Variants in TBC1D1 observed in about 807,000 individuals in gnomAD.
TBC1D1 encodes the protein TBC1 domain family member 1, also known as TBC1 (tre-2/USP6, BUB2, cdc16) domain family, member 1.
In TBC1D1, 89 loss-of-function variants were observed where a neutral mutation model predicts 125.6. That is an observed-to-expected ratio of 0.71 (90% CI 0.60 to 0.85). The LOEUF is 0.85. Among genes scored for constraint, TBC1D1 ranks in the 40% least tolerant of loss-of-function variants. TBC1D1 has a pLI of 0.00. For synonymous variants in TBC1D1, 565 were observed against 564.1 expected (o/e 1.00, Z -0.02); for missense variants, 1,377 against 1,469.2 (o/e 0.94, Z 1.03).
At chr4:37,947,908 AG>A (rs1727044968) in intron 2 of TBC1D1, among the ~76,000 whole-genome samples, 1 of 152,192 alleles carries the variant, frequency 6.6e-6, no homozygotes, top group Non-Finnish European at 1.5e-5. Flanking sequence ...GTTAAAACAA[AG>A]GTAGTACCCC....
At chr4:38,093,973 A>G (rs1335413186) in intron 13 of TBC1D1, among the ~76,000 whole-genome samples, 1 of 152,246 alleles carries the variant, frequency 6.6e-6, no homozygotes, top group Non-Finnish European at 1.5e-5. Flanking sequence ...ATGCTTTACT[A>G]AGATTAAAAT....
At chr4:38,068,483 TTCTTC>T (rs1226769992) in intron 12 of TBC1D1, among the ~76,000 whole-genome samples, 1 of 152,070 alleles carries the variant, frequency 6.6e-6, no homozygotes, top group East Asian at 1.9e-4. Flanking sequence ...ATGTCACCAT[TTCTTC>T]TCTTTACCCC....
intron 2 of TBC1D1, among the ~76,000 whole-genome samples, chr4:37,983,870 GT>G (rs1169273554): frequency 6.6e-6 from 1 of 152,198 alleles, no homozygotes; most frequent in Non-Finnish European, 1.5e-5. Flanking sequence ...ATACAGAGTA[GT>G]TTCATTGCCC....
intron 2 of TBC1D1, among the ~76,000 whole-genome samples, chr4:38,004,026 A>G (rs1183311670): frequency 6.6e-6 from 1 of 152,180 alleles, no homozygotes. Context: ...GTAATGTCTC[A>G]TTTTAGTAGA....
intron 9 of TBC1D1, 88 bp downstream of exon 9, chr4:38,044,578 T>A: frequency 7.4e-7 from 1 of 1,360,410 alleles, no homozygotes; most frequent in Non-Finnish European, 9.9e-7. Context: ...CCATCAATGT[T>A]CATCATAAAG....
intron 2 of TBC1D1, among the ~76,000 whole-genome samples, chr4:37,903,793 G>C (rs769061736): frequency 6.6e-5 from 10 of 152,162 alleles, no homozygotes; most frequent in Non-Finnish European, 1.5e-4. Context: ...CATCAGTGGG[G>C]AATAGGACCA....
intron 15 of TBC1D1, chr4:38,110,326 TTGAG>T (rs1275867476): frequency 1.0e-6 from 1 of 982,278 alleles, no homozygotes; most frequent in Non-Finnish European, 1.2e-6. Context: ...CTGCTGCTTA[TTGAG>T]TTTCTGATGC....
chr4:38,053,246 A>G (rs978581070), intron 11 of TBC1D1, 21 bp downstream of exon 13: 115 of 1,476,636 alleles, frequency 7.8e-5, no homozygotes, highest in East Asian at 2.4e-4. Flanking sequence ...ATTTAGATAT[A>G]TCAAGCCTGG....
intron 18 of TBC1D1, among the ~76,000 whole-genome samples, chr4:38,129,335 A>T (rs1290684804): frequency 6.6e-6 from 1 of 152,196 alleles, no homozygotes. Context: ...GCACCGTGGA[A>T]AAGGAGTAGT....
chr4:38,068,343 C>T (rs1754094820), intron 12 of TBC1D1, among the ~76,000 whole-genome samples: 1 of 152,182 alleles, frequency 6.6e-6, no homozygotes, highest in Non-Finnish European at 1.5e-5. Context: ...TTTGTTTCTT[C>T]AGGCAGCCAT....
chr4:38,052,728 G>GCGCGCGCACACACACACACA (rs1491148206), intron 11 of TBC1D1, among the ~76,000 whole-genome samples: 1 of 118,344 alleles, frequency 8.4e-6, no homozygotes, highest in African/African-American at 3.5e-5. Context: ...GCGCGCGCGC[G>GCGCGCGCACACACACACACA]CACACACACA....
chr4:37,921,109 CAAAAAAAA>C (rs1188232681), intron 2 of TBC1D1, among the ~76,000 whole-genome samples: 3 of 71,988 alleles, frequency 4.2e-5, no homozygotes, highest in African/African-American at 1.2e-4. Flanking sequence ...GACTCCGTCT[CAAAAAAAA>C]AAAAAAAAAA....
chr4:38,053,681 T>TA (rs1260908240), intron 11 of TBC1D1, among the ~76,000 whole-genome samples: 2 of 152,254 alleles, frequency 1.3e-5, no homozygotes, highest in African/African-American at 4.8e-5. Context: ...TTTTGTAGTT[T>TA]AAAAAATACA....
chr4:38,123,377 T>C (rs1764159880), intron 17 of TBC1D1, among the ~76,000 whole-genome samples: 1 of 152,254 alleles, frequency 6.6e-6, no homozygotes, highest in Admixed American at 6.5e-5. Flanking sequence ...GTCATTTCTG[T>C]TTAAAAATAC....
At chr4:37,960,493 C>T in intron 2 of TBC1D1, 3 of 1,614,052 alleles carry the variant, frequency 1.9e-6, no homozygotes, top group Non-Finnish European at 2.5e-6. Context: ...CGTGTGGCTG[C>T]CAAGGATGTG....
At chr4:37,974,789 C>T (rs1313566989) in intron 2 of TBC1D1, among the ~76,000 whole-genome samples, 2 of 150,008 alleles carry the variant, frequency 1.3e-5, no homozygotes, top group Non-Finnish European at 3.0e-5. Flanking sequence ...GAACTCCTGA[C>T]CCCAGGTGAT....
chr4:38,047,600 A>G (rs1425216034), intron 10 of TBC1D1, among the ~76,000 whole-genome samples: 1 of 152,090 alleles, frequency 6.6e-6, no homozygotes, highest in Non-Finnish European at 1.5e-5. Flanking sequence ...CCTTTCATGT[A>G]GGAAGTTACC....
chr4:37,944,405 T>A (rs936668333), intron 2 of TBC1D1, among the ~76,000 whole-genome samples: 5 of 152,196 alleles, frequency 3.3e-5, no homozygotes, highest in Admixed American at 1.3e-4. Context: ...TCTGCTGCCT[T>A]TTGTTCAGCT....
intron 10 of TBC1D1, among the ~76,000 whole-genome samples, chr4:38,048,362 G>T (rs1437540549): frequency 6.6e-6 from 1 of 152,110 alleles, no homozygotes; most frequent in African/African-American, 2.4e-5. Flanking sequence ...ATTGTGTTCT[G>T]TGATGTATTG....
Sources: allele counts gnomAD v4.1 joint callset (sites outside exome capture counted in the v4.1 genomes callset), GRCh38; gene constraint gnomAD v4.1.1; transcripts MANE v1.5; gene names NCBI Gene and HGNC (gene_info 2026-07-23, HGNC 2026-07-21).